SUFU: variants seen among roughly 807,000 people sequenced by gnomAD.
SUFU encodes the protein SUFU negative regulator of hedgehog signaling, also known as suppressor of fused homolog.
Under a neutral mutation model 58.9 loss-of-function variants are expected in SUFU, and 7 were observed. The ratio of observed to expected loss-of-function variants is 0.12; its 90% confidence interval spans 0.07 to 0.22. The LOEUF is 0.22. Among genes scored for constraint, SUFU ranks in the 10% least tolerant of loss-of-function variants. The pLI, the probability that SUFU is intolerant of heterozygous loss-of-function variation, is 1.00. For missense variants in SUFU, 451 were observed against 641.3 expected, an observed-to-expected ratio of 0.70 and a Z score of 3.20; for synonymous variants, 232 against 254.8, an observed-to-expected ratio of 0.91 and a Z score of 0.85.
intron 2 of SUFU, among the ~76,000 whole-genome samples, chr10:102,518,069 C>G (rs893457463): frequency 2.6e-5 from 4 of 152,178 alleles, no homozygotes; most frequent in Admixed American, 2.0e-4. Context: ...CTCCCCTCAT[C>G]CTGTGATCTT....
intron 2 of SUFU, among the ~76,000 whole-genome samples, chr10:102,511,896 G>T (rs2062404684): frequency 6.6e-6 from 1 of 152,140 alleles, no homozygotes; most frequent in Non-Finnish European, 1.5e-5. Context: ...ATTTTCTGTA[G>T]AGTTGAGGTC....
At chr10:102,564,193 T>C (rs1421165245) in intron 3 of SUFU, among the ~76,000 whole-genome samples, 1 of 152,234 alleles carries the variant, frequency 6.6e-6, no homozygotes, top group African/African-American at 2.4e-5. Context: ...AAGATGTTAC[T>C]AGGCTGCAGG....
At chr10:102,593,809 C>A (rs866345473) in intron 5 of SUFU, 88 bp downstream of exon 5, 4 of 1,463,742 alleles carry the variant, frequency 2.7e-6, no homozygotes, top group Middle Eastern at 3.9e-4. Flanking sequence ...CTCCCTCTTG[C>A]GTTGTTATTT....
intron 4 of SUFU, among the ~76,000 whole-genome samples, chr10:102,593,305 C>G (rs2063423453): frequency 6.6e-6 from 1 of 152,190 alleles, no homozygotes; most frequent in Admixed American, 6.5e-5. Flanking sequence ...CCCTGAACCT[C>G]CCCTACTTCC....
At chr10:102,584,271 G>T (rs549636029) in intron 3 of SUFU, among the ~76,000 whole-genome samples, 1 of 152,210 alleles carries the variant, frequency 6.6e-6, no homozygotes, top group Non-Finnish European at 1.5e-5. Context: ...ACCAGCAGGC[G>T]ATTTCAGCTG....
chr10:102,583,720 T>A (rs2063307503), intron 3 of SUFU, among the ~76,000 whole-genome samples: 1 of 152,216 alleles, frequency 6.6e-6, no homozygotes, highest in Non-Finnish European at 1.5e-5. Flanking sequence ...TTTTTTTTAA[T>A]TGTACTTTAA....
At position 102,566,800 on chromosome 10, in the gene SUFU, G is replaced by T. The variant is rs576684852; in HGVS notation, c.454+16694G>T. ...AAAAAAAAAAGTACAGAAATTAGCC[G>T]GGCATGGTGGTGGGCACCTGTATAG... On this transcript the variant is annotated intron_variant, in intron 3 of 11. Transcript: ENST00000369902. 7.0e-5 allele frequency among the ~76,000 whole-genome samples: 10 copies of T among 142,944 alleles called. No homozygotes were observed. The South Asian group carries it at 2.3e-3, about 33-fold the overall frequency. The allele number at this position is 142,944 out of a possible 152,430, so 93.8% of individuals were successfully genotyped here. A position where few individuals can be genotyped will look rare whatever the true frequency, so the allele number is the denominator to read the frequency against.
chr10:102,525,357 A>G (rs2062598059), intron 2 of SUFU, among the ~76,000 whole-genome samples: 1 of 151,828 alleles, frequency 6.6e-6, no homozygotes, highest in African/African-American at 2.4e-5. Flanking sequence ...TGATCTGCCC[A>G]CATCAGCCTC....
At chr10:102,512,425 A>T (rs2062410928) in intron 2 of SUFU, among the ~76,000 whole-genome samples, 1 of 152,200 alleles carries the variant, frequency 6.6e-6, no homozygotes. Context: ...TGGCTTAAGG[A>T]TTCTTCCAGT....
chr10:102,613,172 A>G (rs1235759094), intron 8 of SUFU, among the ~76,000 whole-genome samples: 2 of 152,222 alleles, frequency 1.3e-5, no homozygotes, highest in African/African-American at 4.8e-5. Context: ...TTTGTAAAGG[A>G]AAGAGGGAGA....
In SUFU at chr10:102,504,029, A is replaced by C; in HGVS notation, c.-124A>C. ...GTGCGCCGTGCGCAGGCGCGGAGCT[A>C]GACCTCGCTGCAGCCCCCATCGCCT... is the stretch of plus-strand genomic sequence containing the variant. On this transcript the variant is annotated 5_prime_UTR_variant, in exon 1 of 12. Transcript: ENST00000369902. 48 of 1,312,500 alleles carry C rather than the reference A, an allele frequency of 3.7e-5. No homozygotes were observed. Among genetic ancestry groups the C allele is most frequent in the Non-Finnish European group, 4.5e-5 (45 of 996,890 alleles). 81.3% of individuals were successfully genotyped at this position (1,312,500 alleles called of 1,614,324 possible). A position where few individuals can be genotyped will look rare whatever the true frequency, so the allele number is the denominator to read the frequency against.
intron 1 of SUFU, among the ~76,000 whole-genome samples, chr10:102,506,043 A>G (rs1188413135): frequency 2.8e-5 from 4 of 142,812 alleles, no homozygotes; most frequent in South Asian, 2.1e-4. Flanking sequence ...TTATTTGAAA[A>G]AAAAAAAAAA....
intron 2 of SUFU, among the ~76,000 whole-genome samples, chr10:102,513,420 A>G (rs1267698752): frequency 6.6e-6 from 1 of 152,248 alleles, no homozygotes; most frequent in Non-Finnish European, 1.5e-5. Flanking sequence ...TTCAGCACAC[A>G]TTCATCAAGC....
At chr10:102,553,788 G>C (rs983154089) in intron 3 of SUFU, among the ~76,000 whole-genome samples, 1 of 151,906 alleles carries the variant, frequency 6.6e-6, no homozygotes, top group Non-Finnish European at 1.5e-5. Flanking sequence ...AACCCAGACA[G>C]TGTAGCTCTG....
chr10:102,515,055 T>G (rs532270147), intron 2 of SUFU, among the ~76,000 whole-genome samples: 1 of 152,314 alleles, frequency 6.6e-6, no homozygotes, highest in Non-Finnish European at 1.5e-5. Flanking sequence ...GGCGCACATG[T>G]CCAGTGGAGT....
At chr10:102,572,900 T>G in intron 3 of SUFU, 1 of 842,196 alleles carries the variant, frequency 1.2e-6, no homozygotes, top group Non-Finnish European at 2.0e-6. Flanking sequence ...ACAGCCTATT[T>G]GATCTGGTGC....
upstream of SUFU, among the ~76,000 whole-genome samples, chr10:102,503,802 G>A (rs1349613893): frequency 6.6e-6 from 1 of 152,216 alleles, no homozygotes; most frequent in Admixed American, 6.5e-5. Context: ...ACTAGGGGGA[G>A]ACCAAGAGCC....
intron 2 of SUFU, among the ~76,000 whole-genome samples, chr10:102,547,050 G>C (rs1262954812): frequency 1.3e-5 from 2 of 152,250 alleles, no homozygotes. Flanking sequence ...CCATTGTGCA[G>C]CCGAAGAGGA....
intron 9 of SUFU, among the ~76,000 whole-genome samples, chr10:102,616,025 T>G (rs2063683856): frequency 6.8e-6 from 1 of 148,016 alleles, no homozygotes; most frequent in South Asian, 2.2e-4. Context: ...GGGTCCCCAG[T>G]AGCACTGGTT....
Sources: allele counts gnomAD v4.1 joint callset (sites outside exome capture counted in the v4.1 genomes callset), GRCh38; gene constraint gnomAD v4.1.1; transcripts MANE v1.5; gene names NCBI Gene and HGNC (gene_info 2026-07-23, HGNC 2026-07-21).